SNTG2: variants seen among roughly 807,000 people sequenced by gnomAD.
SNTG2 encodes gamma-2-syntrophin.
In SNTG2, 74 loss-of-function variants were observed where a neutral mutation model predicts 70.9. That is an observed-to-expected ratio of 1.04 (90% CI 0.86 to 1.27). SNTG2 has a LOEUF of 1.27. Among genes scored for constraint, SNTG2 ranks in the 50% most tolerant of loss-of-function variants. The pLI is 0.00. For missense variants in SNTG2, 717 were observed against 690.7 expected (o/e 1.04, Z -0.43); for synonymous variants, 278 against 273.8 (o/e 1.02, Z -0.15).
intron 12 of SNTG2, among the ~76,000 whole-genome samples, chr2:1,248,509 G>A (rs1008342728): frequency 1.2e-4 from 19 of 152,210 alleles, no homozygotes; most frequent in African/African-American, 4.6e-4. Flanking sequence ...AGCACTTTGT[G>A]CTTATTGCAC....
intron 15 of SNTG2, among the ~76,000 whole-genome samples, chr2:1,315,684 A>G (rs1681241877): frequency 6.6e-6 from 1 of 152,168 alleles, no homozygotes; most frequent in Non-Finnish European, 1.5e-5. Flanking sequence ...TGATTTTTGC[A>G]GTAGTATTAA....
At chr2:1,352,358 T>C (rs1164456774) in intron 16 of SNTG2, among the ~76,000 whole-genome samples, 1 of 151,892 alleles carries the variant, frequency 6.6e-6, no homozygotes, top group African/African-American at 2.4e-5. Context: ...TGGACTAGGA[T>C]GCAGGCCCCT....
chr2:983,136 A>G (rs369058527), intron 1 of SNTG2, among the ~76,000 whole-genome samples: 1 of 149,756 alleles, frequency 6.7e-6, no homozygotes, highest in African/African-American at 2.5e-5. Context: ...GGTGGTCAGG[A>G]TGAAGAAGCT....
intron 1 of SNTG2, among the ~76,000 whole-genome samples, chr2:1,076,021 C>T (rs908043584): frequency 1.8e-4 from 27 of 152,196 alleles, no homozygotes; most frequent in African/African-American, 5.3e-4. Context: ...ACGTGGCAGA[C>T]GTCGTCGGAC....
intron 1 of SNTG2, among the ~76,000 whole-genome samples, chr2:1,008,394 G>A (rs569487888): frequency 6.6e-6 from 1 of 152,168 alleles, no homozygotes; most frequent in Admixed American, 6.5e-5. Context: ...CAAAATTATA[G>A]TCATTTCTAT....
At chr2:1,161,138 G>C (rs967043788) in intron 6 of SNTG2, 1 of 152,482 alleles carries the variant, frequency 6.6e-6, no homozygotes, top group Non-Finnish European at 1.5e-5. Context: ...AATGGGGAGA[G>C]GCCAGGCATG....
rs191509680 is a variant in SNTG2, at chr2:1,039,244, T to C, written c.73-44274T>C. 2.2e-3 allele frequency among the ~76,000 whole-genome samples: 336 copies of C among 152,342 alleles called. 1 individual carries two copies. Among genetic ancestry groups the C allele is most frequent in the African/African-American group, 7.6e-3 (314 of 41,570 alleles). ...AAATAACAATTCCTTTATTTTCTTG[T>C]GATAGTTTTAATGCATTCTCTGACT... On this transcript the variant is annotated intron_variant, in intron 1 of 16. Transcript: ENST00000308624.
At chr2:1,315,909 A>G (rs1323609634) in intron 15 of SNTG2, among the ~76,000 whole-genome samples, 2 of 152,274 alleles carry the variant, frequency 1.3e-5, no homozygotes, top group East Asian at 3.9e-4. Flanking sequence ...AAAAGGAACA[A>G]TGCTCATAGG....
At chr2:1,150,468 G>T (rs1412592118) in intron 6 of SNTG2, among the ~76,000 whole-genome samples, 1 of 152,152 alleles carries the variant, frequency 6.6e-6, no homozygotes, top group African/African-American at 2.4e-5. Flanking sequence ...GGCTCTAATT[G>T]GTGGGTGACG....
intron 1 of SNTG2, among the ~76,000 whole-genome samples, chr2:970,944 G>A (rs911093788): frequency 6.6e-6 from 1 of 151,998 alleles, no homozygotes; most frequent in Non-Finnish European, 1.5e-5. Flanking sequence ...CAAAACCACA[G>A]TGAGATATCA....
At chr2:1,060,418 C>T (rs973381589) in intron 1 of SNTG2, among the ~76,000 whole-genome samples, 3 of 152,072 alleles carry the variant, frequency 2.0e-5, no homozygotes, top group Admixed American at 2.0e-4. Flanking sequence ...ATAGAAGTGT[C>T]CTACCGTGGA....
intron 16 of SNTG2, among the ~76,000 whole-genome samples, chr2:1,321,492 G>C (rs576052345): frequency 2.0e-4 from 30 of 152,302 alleles, no homozygotes; most frequent in Admixed American, 1.8e-3. Flanking sequence ...TGGCAGACCA[G>C]AAGGAAATTG....
chr2:1,167,216 A>C (rs913864680), intron 7 of SNTG2, among the ~76,000 whole-genome samples: 3 of 150,848 alleles, frequency 2.0e-5, no homozygotes, highest in African/African-American at 7.3e-5. Flanking sequence ...AGATGGCGGA[A>C]CTGAAGCCTA....
At chr2:1,063,698 A>C (rs1172245106) in intron 1 of SNTG2, among the ~76,000 whole-genome samples, 1 of 152,246 alleles carries the variant, frequency 6.6e-6, no homozygotes, top group African/African-American at 2.4e-5. Context: ...AAGAGTGGAC[A>C]CAACAAAATA....
chr2:1,235,064 A>G (rs1403040947), intron 9 of SNTG2, among the ~76,000 whole-genome samples: 1 of 152,208 alleles, frequency 6.6e-6, no homozygotes, highest in African/African-American at 2.4e-5. Context: ...ACACGCCCTC[A>G]CGCGCAACCA....
chr2:1,173,699 G>A (rs886116249), intron 8 of SNTG2, among the ~76,000 whole-genome samples: 1 of 152,174 alleles, frequency 6.6e-6, no homozygotes, highest in African/African-American at 2.4e-5. Context: ...TGGGCTCTGA[G>A]AGAACCTGTA....
chr2:1,186,018 G>A (rs1223451430), intron 8 of SNTG2, among the ~76,000 whole-genome samples: 2 of 152,058 alleles, frequency 1.3e-5, no homozygotes, highest in Non-Finnish European at 2.9e-5. Flanking sequence ...ACAAATATGA[G>A]CACAGGTTGC....
intron 4 of SNTG2, among the ~76,000 whole-genome samples, chr2:1,116,751 G>A (rs1167928179): frequency 6.8e-5 from 6 of 88,048 alleles, no homozygotes; most frequent in African/African-American, 1.8e-4. Flanking sequence ...TATGGGTGCC[G>A]TGGTGTGTCA....
intron 14 of SNTG2, 78 bp from the exon 15 acceptor site, chr2:1,308,416 G>C: frequency 7.6e-7 from 1 of 1,310,180 alleles, no homozygotes; most frequent in East Asian, 2.5e-5. Context: ...CCAAAGGGGG[G>C]TTAATATGGA....
Sources: allele counts gnomAD v4.1 joint callset (sites outside exome capture counted in the v4.1 genomes callset), GRCh38; gene constraint gnomAD v4.1.1; transcripts MANE v1.5; gene names NCBI Gene and HGNC (gene_info 2026-07-23, HGNC 2026-07-21).